Variants in WDR25 observed in about 807,000 individuals in gnomAD.
WDR25 encodes the protein WD repeat domain 25, also known as WD repeat-containing protein 25.
Under a neutral mutation model 47.7 loss-of-function variants are expected in WDR25, and 35 were observed. The ratio of observed to expected loss-of-function variants is 0.73; its 90% CI spans 0.56 to 0.97. WDR25 has a LOEUF of 0.97. Among genes scored for constraint, WDR25 ranks in the 50% least tolerant of loss-of-function variants. The pLI, the probability that WDR25 is intolerant of heterozygous loss-of-function variation, is 0.00. For synonymous variants in WDR25, 248 were observed against 278.9 expected (o/e 0.89, Z 1.10); for missense variants, 634 against 704.7 (o/e 0.90, Z 1.14).
chr14:100,419,307 C>T (rs1897965031), intron 2 of WDR25, among the ~76,000 whole-genome samples: 1 of 151,996 alleles, frequency 6.6e-6, no homozygotes, highest in South Asian at 2.1e-4. Context: ...CCGCCTACCT[C>T]TTTCTTCCTT....
chr14:100,439,009 GC>G (rs1898584292), intron 2 of WDR25, among the ~76,000 whole-genome samples: 2 of 152,292 alleles, frequency 1.3e-5, no homozygotes, highest in South Asian at 4.1e-4. Flanking sequence ...AAATGGCCTG[GC>G]CCTGGTGGCT....
In WDR25 at chr14:100,440,510, C is replaced by A. The variant is rs1027066011; in HGVS notation, c.823-27511C>A. 2.0e-5 allele frequency among the ~76,000 whole-genome samples: 3 copies of A among 152,238 alleles called. No individual in the cohort carries two copies. Among genetic ancestry groups the A allele is most frequent in the African/African-American group, 4.8e-5 (2 of 41,474 alleles). ...ATGGGAGGGGCTGGCCGTCATGATT[C>A]AGCATGCTAGCTCTCTGGAGGCTGT... is the stretch of plus-strand genomic sequence containing the variant. On this transcript the variant is annotated intron_variant, in intron 2 of 6. Transcript: ENST00000402312. This position sits in a 1 kb window ranked among gnomAD's most constrained non-coding sequence, Gnocchi z 4.4.
chr14:100,412,249 T>A (rs1897732582), intron 2 of WDR25, among the ~76,000 whole-genome samples: 1 of 150,348 alleles, frequency 6.7e-6, no homozygotes, highest in Non-Finnish European at 1.5e-5. Context: ...CCTTGGTGCG[T>A]TATTCGGGAA....
At chr14:100,524,906 G>A (rs1311809624) in intron 4 of WDR25, among the ~76,000 whole-genome samples, 1 of 152,198 alleles carries the variant, frequency 6.6e-6, no homozygotes, top group Non-Finnish European at 1.5e-5. Flanking sequence ...TTTTAAGGAG[G>A]ATGACAGAAA....
At chr14:100,397,195 T>C (rs1030683749) in intron 2 of WDR25, among the ~76,000 whole-genome samples, 11 of 152,272 alleles carry the variant, frequency 7.2e-5, no homozygotes, top group African/African-American at 2.7e-4. Context: ...GCAATGCTGT[T>C]GTCAAGGAAA....
In WDR25 at chr14:100,449,011, G is replaced by A. The variant is rs1898933893; in HGVS notation, c.823-19010G>A. On this transcript the variant is annotated intron_variant, in intron 2 of 6. Coordinates refer to ENST00000402312, the MANE Select transcript of WDR25 (RefSeq NM_001161476.3). The surrounding 1 kb of genome is among the most constrained non-coding windows in gnomAD (Gnocchi z 4.2). ...TTGGGAAACGCACCTAGAAAGTGGC[G>A]TGCAAGGACGATCGTGATGGGAGAT... Among the ~76,000 whole-genome samples the A allele has an allele frequency of 1.3e-5, 2 of 152,186 alleles. No individual in the cohort carries two copies. The highest frequency in any genetic ancestry group is 1.9e-4 in the East Asian group (1 of 5,132).
At position 100,488,486 on chromosome 14, in the gene WDR25, T is replaced by G. The variant is rs1299945617; in HGVS notation, c.1101+4362T>G. On this transcript the variant is annotated intron_variant, in intron 4 of 6. Transcript: ENST00000402312. This position sits in a 1 kb window ranked among gnomAD's most constrained non-coding sequence, Gnocchi z 4.2. ...GCTTGGCTGGGTGATTTCGGCCACA[T>G]TCCTTAAGCAAAAGCCTCTCTGATT... 6.6e-6 allele frequency among the ~76,000 whole-genome samples: 1 copy of G among 152,156 alleles called. No homozygotes were observed. Among genetic ancestry groups the G allele is most frequent in the Non-Finnish European group, 1.5e-5 (1 of 68,022 alleles).
intron 2 of WDR25, among the ~76,000 whole-genome samples, chr14:100,394,604 C>T (rs546764701): frequency 1.2e-4 from 18 of 152,282 alleles, no homozygotes; most frequent in African/African-American, 4.1e-4. Context: ...GAATGAGGCA[C>T]AGACATCAAA....
chr14:100,471,708 C>T (rs895605575), intron 3 of WDR25, among the ~76,000 whole-genome samples: 1 of 152,196 alleles, frequency 6.6e-6, no homozygotes, highest in Non-Finnish European at 1.5e-5. Flanking sequence ...ATCCTGGTGT[C>T]CTCAATCAAT....
chr14:100,426,433 G>A (rs1898170208), intron 2 of WDR25, among the ~76,000 whole-genome samples: 1 of 152,242 alleles, frequency 6.6e-6, no homozygotes, highest in Admixed American at 6.5e-5. Context: ...TCTGAAGAAA[G>A]CATGAATCTT....
chr14:100,449,140 CCT>C lies in WDR25; in HGVS notation c.823-18880_823-18879del, dbSNP rs1260644510. ...TTGGGATGTGCTTGGCAAGATAAGG[CCT>C]TATGGCTAGAAGGCTCGGAGAGCAT... On this transcript the variant is annotated intron_variant, in intron 2 of 6. Coordinates refer to ENST00000402312, the MANE Select transcript of WDR25 (RefSeq NM_001161476.3). This position sits in a 1 kb window ranked among gnomAD's most constrained non-coding sequence, Gnocchi z 4.2. Among the ~76,000 whole-genome samples the C allele has an allele frequency of 6.6e-6, 1 of 152,172 alleles. No homozygotes were observed. The highest frequency in any genetic ancestry group is 1.5e-5 in the Non-Finnish European group (1 of 68,038).
intron 2 of WDR25, among the ~76,000 whole-genome samples, chr14:100,464,485 T>C (rs1284630948): frequency 1.3e-5 from 2 of 152,222 alleles, no homozygotes; most frequent in South Asian, 4.1e-4. Flanking sequence ...TGTTTCCTGT[T>C]ACACAATGCC....
rs1210108414 is a variant in WDR25 at position 100,488,737 on chromosome 14, C to T, written c.1101+4613C>T. On this transcript the variant is annotated intron_variant, in intron 4 of 6. Coordinates refer to ENST00000402312, the MANE Select transcript of WDR25 (RefSeq NM_001161476.3). This position sits in a 1 kb window ranked among gnomAD's most constrained non-coding sequence, Gnocchi z 4.2. ...TTTTGAGAAGCTAGGGACCAAAGGG[C>T]CTCTGAAGTTAAAAGTCCCTTGCTT... Among the ~76,000 whole-genome samples, 1 of 152,178 alleles carries T rather than the reference C, an allele frequency of 6.6e-6. No individual in the cohort carries two copies. Among genetic ancestry groups the T allele is most frequent in the South Asian group, 2.1e-4 (1 of 4,820 alleles).
chr14:100,401,211 C>G (rs964038800), intron 2 of WDR25, among the ~76,000 whole-genome samples: 9 of 152,314 alleles, frequency 5.9e-5, no homozygotes, highest in Admixed American at 4.6e-4. Context: ...AGACCTCCCC[C>G]TCCCCGTGGC....
chr14:100,478,764 C>A (rs1900103564), intron 3 of WDR25, among the ~76,000 whole-genome samples: 1 of 152,164 alleles, frequency 6.6e-6, no homozygotes, highest in Admixed American at 6.5e-5. Context: ...CGATCATCGT[C>A]TTTTAGCAAT....
rs998362731 is a variant in WDR25 at position 100,414,212 on chromosome 14, C to T, written c.822+32466C>T. Among the ~76,000 whole-genome samples the T allele has an allele frequency of 6.6e-5, 10 of 151,196 alleles. No individual in the cohort carries two copies. In the East Asian group the frequency reaches 1.4e-3, roughly 21 times the overall value. Reference sequence around the variant, plus strand: ...GAGGTCTCACTATGTTGGCCAGGCTCGTCTTGAACTCCTGACCTCGTGATC... The same window carrying T: ...GAGGTCTCACTATGTTGGCCAGGCTTGTCTTGAACTCCTGACCTCGTGATC... On this transcript the variant is annotated intron_variant, in intron 2 of 6. Coordinates refer to ENST00000402312, the MANE Select transcript of WDR25 (RefSeq NM_001161476.3).
chr14:100,446,742 G>A (rs1409332704), intron 2 of WDR25, among the ~76,000 whole-genome samples: 1 of 152,158 alleles, frequency 6.6e-6, no homozygotes, highest in Non-Finnish European at 1.5e-5. Flanking sequence ...GTGACAGGCA[G>A]ATCAGCCAAC....
rs749194246 is a variant in WDR25, at chr14:100,520,563, ACCAT to A, written c.1102-5304_1102-5301del. ...TAAATGTCAGCTGCTTTTGATAGCC[ACCAT>A]CCTATGTGATTGGCGACTTCTGCTT... On this transcript the variant is annotated intron_variant, in intron 4 of 6. Transcript: ENST00000402312. Among the ~76,000 whole-genome samples the A allele has an allele frequency of 3.7e-4, 56 of 152,344 alleles. 2 individuals are homozygous for A. Among genetic ancestry groups the A allele is most frequent in the East Asian group, 3.1e-3 (16 of 5,188 alleles).
chr14:100,521,733 C>G (rs1028970473), intron 4 of WDR25, among the ~76,000 whole-genome samples: 3 of 152,120 alleles, frequency 2.0e-5, no homozygotes, highest in Non-Finnish European at 4.4e-5. Flanking sequence ...GTGCTTATAT[C>G]TCTTTGGGAT....
Sources: allele counts gnomAD v4.1 joint callset (sites outside exome capture counted in the v4.1 genomes callset), GRCh38; gene constraint gnomAD v4.1.1; non-coding constraint Gnocchi (gnomAD v3.1); transcripts MANE v1.5; gene names NCBI Gene and HGNC (gene_info 2026-07-23, HGNC 2026-07-21).